The following TENM3 variants were observed in gnomAD, a reference collection of about 807,000 sequenced individuals.
TENM3 encodes the protein teneurin-3.
A neutral mutation model predicts 255.1 loss-of-function variants in TENM3; 63 were observed. That is an observed-to-expected ratio of 0.25 (90% confidence interval 0.20 to 0.30). The LOEUF is 0.30. TENM3 is among the 10% of genes least tolerant of loss of function. The pLI, the probability that TENM3 is intolerant of heterozygous loss-of-function variation, is 1.00. For missense variants in TENM3, 2,929 were observed against 3,461.1 expected (o/e 0.85, Z 3.86); for synonymous variants, 1,306 against 1,322.3 (o/e 0.99, Z 0.27).
the TENM3 span, among the ~76,000 whole-genome samples, chr4:181,952,747 G>A: frequency 6.6e-6 from 1 of 152,236 alleles, no homozygotes; most frequent in African/African-American, 2.4e-5. Flanking sequence ...GATTTCCTTA[G>A]GGAAGGGCCT....
the TENM3 span, among the ~76,000 whole-genome samples, chr4:181,993,080 C>T: frequency 2.6e-5 from 4 of 152,074 alleles, no homozygotes; most frequent in Non-Finnish European, 5.9e-5. Flanking sequence ...CCTGTAAGGA[C>T]TTTTGTACCG....
chr4:182,037,079 A>G, the TENM3 span, among the ~76,000 whole-genome samples: 1 of 152,070 alleles, frequency 6.6e-6, no homozygotes, highest in Admixed American at 6.6e-5. Context: ...GGAGTTCTAT[A>G]TAGATGTACT....
chr4:181,516,146 G>T, the TENM3 span, among the ~76,000 whole-genome samples: 4 of 152,010 alleles, frequency 2.6e-5, no homozygotes, highest in Admixed American at 6.6e-5. Flanking sequence ...ATAAGTAGGA[G>T]CTGAACAATG....
At chr4:182,158,216 C>A (rs953460454) in intron 1 of TENM3, among the ~76,000 whole-genome samples, 7 of 152,288 alleles carry the variant, frequency 4.6e-5, no homozygotes, top group African/African-American at 1.7e-4. Context: ...TGTGAGATTT[C>A]TCAAGAAATG....
chr4:181,510,392 C>T, the TENM3 span, among the ~76,000 whole-genome samples: 3 of 152,116 alleles, frequency 2.0e-5, no homozygotes, highest in Non-Finnish European at 4.4e-5. Context: ...TGAGAGATTT[C>T]CCCCTGCTAT....
chr4:182,107,420 G>T, the TENM3 span, among the ~76,000 whole-genome samples: 1 of 152,166 alleles, frequency 6.6e-6, no homozygotes, highest in South Asian at 2.1e-4. Context: ...TCCTGTTTCT[G>T]GGGGTTTCTA....
intron 3 of TENM3, among the ~76,000 whole-genome samples, chr4:182,540,214 G>T (rs1016121882): frequency 6.6e-6 from 1 of 152,190 alleles, no homozygotes; most frequent in Non-Finnish European, 1.5e-5. Flanking sequence ...CCATGGTGGA[G>T]GGAGGAAGAG....
At chr4:181,784,115 G>A in the TENM3 span, among the ~76,000 whole-genome samples, 1 of 150,698 alleles carries the variant, frequency 6.6e-6, no homozygotes, top group Admixed American at 6.6e-5. Context: ...CTGCAATAAT[G>A]ACATTCTTGT....
At chr4:181,476,932 T>G in the TENM3 span, among the ~76,000 whole-genome samples, 1 of 152,218 alleles carries the variant, frequency 6.6e-6, no homozygotes, top group Non-Finnish European at 1.5e-5. Flanking sequence ...ACACACATGC[T>G]TTCCACACCT....
chr4:182,752,472 T>C (rs942412760), intron 20 of TENM3, among the ~76,000 whole-genome samples: 2 of 152,178 alleles, frequency 1.3e-5, no homozygotes, highest in African/African-American at 2.4e-5. Flanking sequence ...TGTGAAACTT[T>C]TGTTTCTATG....
chr4:181,699,043 A>T, the TENM3 span, among the ~76,000 whole-genome samples: 1 of 152,124 alleles, frequency 6.6e-6, no homozygotes, highest in South Asian at 2.1e-4. Context: ...TTTTAAGATA[A>T]AGTTTACAGT....
intron 3 of TENM3, among the ~76,000 whole-genome samples, chr4:182,408,227 A>G (rs1326418593): frequency 1.3e-5 from 2 of 152,234 alleles, no homozygotes; most frequent in Non-Finnish European, 2.9e-5. Context: ...ATAAATATCA[A>G]CTTAGTTGTA....
At chr4:182,146,042 A>G (rs921106156) in intron 1 of TENM3, among the ~76,000 whole-genome samples, 2 of 152,200 alleles carry the variant, frequency 1.3e-5, no homozygotes, top group African/African-American at 4.8e-5. Flanking sequence ...ATTTCTTTAA[A>G]ATAATGACGC....
At chr4:181,625,189 C>T in the TENM3 span, among the ~76,000 whole-genome samples, 3 of 152,170 alleles carry the variant, frequency 2.0e-5, no homozygotes, top group African/African-American at 7.2e-5. Context: ...GCTGTGTCTA[C>T]CTTTGCAAAC....
the TENM3 span, among the ~76,000 whole-genome samples, chr4:181,563,076 G>T: frequency 6.6e-6 from 1 of 152,220 alleles, no homozygotes; most frequent in African/African-American, 2.4e-5. Flanking sequence ...GCACCTGGGT[G>T]CATTCGTTTG....
intron 4 of TENM3, among the ~76,000 whole-genome samples, chr4:182,608,621 G>A (rs1461345995): frequency 6.6e-6 from 1 of 152,246 alleles, no homozygotes; most frequent in Admixed American, 6.5e-5. Flanking sequence ...TGCTGCAGCC[G>A]CCCGGTCTGC....
chr4:182,250,958 A>G (rs1377461917), intron 1 of TENM3, among the ~76,000 whole-genome samples: 1 of 152,154 alleles, frequency 6.6e-6, no homozygotes, highest in African/African-American at 2.4e-5. Context: ...GGGTTTGTTC[A>G]CATTTGATTT....
At chr4:181,577,074 ATAATATATAAT>A in the TENM3 span, among the ~76,000 whole-genome samples, 20 of 122,318 alleles carry the variant, frequency 1.6e-4, no homozygotes, top group South Asian at 4.3e-3. Context: ...TTATATATAA[ATAATATATAAT>A]ATATAATATA....
intron 3 of TENM3, among the ~76,000 whole-genome samples, chr4:182,399,089 G>A (rs1407745156): frequency 1.3e-5 from 2 of 152,180 alleles, no homozygotes; most frequent in African/African-American, 4.8e-5. Context: ...GAACGTTTCA[G>A]CTTTCAGATG....
Sources: allele counts gnomAD v4.1 joint callset (sites outside exome capture counted in the v4.1 genomes callset), GRCh38; gene constraint gnomAD v4.1.1; transcripts MANE v1.5; gene names NCBI Gene and HGNC (gene_info 2026-07-23, HGNC 2026-07-21).